ZNF679: variants seen among roughly 807,000 people sequenced by gnomAD.
ZNF679 encodes zinc finger protein 679, also known as hypothetical protein MGC42415.
Under a neutral mutation model 13.4 loss-of-function variants are expected in ZNF679, and 10 were observed. The ratio of observed to expected loss-of-function variants is 0.75; its 90% CI spans 0.46 to 1.27. ZNF679 has a LOEUF of 1.27. Ranked by LOEUF, ZNF679 falls within the 50% of genes most tolerant of loss-of-function variation. ZNF679 has a pLI of 0.00. For synonymous variants in ZNF679, 179 were observed against 162.5 expected, an observed-to-expected ratio of 1.10 and a Z score of -0.77; for missense variants, 525 against 477.8, an observed-to-expected ratio of 1.10 and a Z score of -0.92.
rs117341329 is a variant in ZNF679 at position 64,263,112 on chromosome 7, C to T, written c.262+2183C>T. On this transcript the variant is annotated intron_variant, in intron 4 of 4. Coordinates refer to ENST00000421025, the MANE Select transcript of ZNF679 (RefSeq NM_153363.3). ...GCTCTTCTTAAATTTTTTTTTTACACGGGGTTTCTCACTCTGTTGCCCAGA... is the reference window on the plus strand; with the variant it reads ...GCTCTTCTTAAATTTTTTTTTTACATGGGGTTTCTCACTCTGTTGCCCAGA... 6.4e-3 allele frequency among the ~76,000 whole-genome samples: 974 copies of T among 151,870 alleles called. 12 individuals carry two copies. In the Middle Eastern group the frequency reaches 0.075, roughly 12 times the overall value.
intron 2 of ZNF679, among the ~76,000 whole-genome samples, chr7:64,259,934 G>GA (rs1238773997): frequency 1.3e-3 from 174 of 137,718 alleles, no homozygotes; most frequent in African/African-American, 2.9e-3. Context: ...TCTCCAAAAG[G>GA]AAAAAAAAAA....
At chr7:64,251,453 C>CA (rs372636689) in intron 2 of ZNF679, among the ~76,000 whole-genome samples, 71 of 149,776 alleles carry the variant, frequency 4.7e-4, no homozygotes, top group East Asian at 2.1e-3. Flanking sequence ...GACCATATCT[C>CA]AAAAAAAAAG....
chr7:64,245,435 G>A (rs998058014), intron 1 of ZNF679, among the ~76,000 whole-genome samples: 2 of 151,024 alleles, frequency 1.3e-5, no homozygotes, highest in African/African-American at 2.4e-5. Flanking sequence ...GAGAGAGAGA[G>A]AGAGAGAGGG....
At chr7:64,258,306 G>A (rs1454265781) in intron 2 of ZNF679, among the ~76,000 whole-genome samples, 3 of 152,144 alleles carry the variant, frequency 2.0e-5, no homozygotes, top group Non-Finnish European at 2.9e-5. Flanking sequence ...TTCTCAAGAT[G>A]CAGGTTTGAT....
chr7:64,248,241 C>T (rs1291991718), intron 1 of ZNF679, among the ~76,000 whole-genome samples: 4 of 151,976 alleles, frequency 2.6e-5, no homozygotes, highest in Non-Finnish European at 5.9e-5. Context: ...CCTAATAATC[C>T]AATCACCTCC....
rs766588383 is a variant in ZNF679 at position 64,260,865 on chromosome 7, C to G, written c.198C>G (p.Thr66=). Reference sequence around the variant, plus strand: ...CTGTCTCTAAGCCAGACTTGATCACCTGTCTGGAGCAAAATAAAGAGCCTT... The same window carrying G: ...CTGTCTCTAAGCCAGACTTGATCACGTGTCTGGAGCAAAATAAAGAGCCTT... ...GIAVSKPDLI[T]CLEQNKEPWN... is the part of the protein sequence containing the mutation. Residue 66 remains threonine (T), a synonymous_variant, in exon 4 of 5, where the codon ACC becomes ACG. Coordinates refer to ENST00000421025, the MANE Select transcript of ZNF679 (RefSeq NM_153363.3). 3 of 1,611,096 alleles carry G rather than the reference C, an allele frequency of 1.9e-6. No homozygotes were observed. Among genetic ancestry groups the G allele is most frequent in the Non-Finnish European group, 2.5e-6 (3 of 1,179,328 alleles).
rs374967328 is a variant in ZNF679 at position 64,260,159 on chromosome 7, G to A, written c.40-62G>A. The A allele has an allele frequency of 1.3e-5, 19 of 1,450,788 alleles. No individual in the cohort carries two copies. In the African/African-American group the frequency reaches 2.3e-4, roughly 17 times the overall value. 89.9% of individuals were successfully genotyped at this position (1,450,788 alleles called of 1,614,324 possible). A position where few individuals can be genotyped will look rare whatever the true frequency, so the allele number is the denominator to read the frequency against. ...GAGTCAAATAAAAATCTCTGCCTACGGCCACATAGTAAGTGTTTGTGTGTT... is the reference window on the plus strand; with the variant it reads ...GAGTCAAATAAAAATCTCTGCCTACAGCCACATAGTAAGTGTTTGTGTGTT... On this transcript the variant is annotated intron_variant, in intron 2 of 4. Transcript: ENST00000421025.
chr7:64,260,964 G>A (rs759948234), intron 4 of ZNF679, 35 bp downstream of exon 4: 1 of 1,587,848 alleles, frequency 6.3e-7, no homozygotes, highest in East Asian at 2.2e-5. Context: ...TGACACAGAT[G>A]AGAGGTGCAA....
At chr7:64,258,088 G>C (rs189579009) in intron 2 of ZNF679, among the ~76,000 whole-genome samples, 102 of 151,494 alleles carry the variant, frequency 6.7e-4, no homozygotes, top group African/African-American at 2.4e-3. Flanking sequence ...TCCCATTACT[G>C]TAAAGAACAT....
intron 1 of ZNF679, 65 bp from the exon 2 acceptor site, chr7:64,248,963 A>G (rs1024806618): frequency 5.6e-6 from 6 of 1,075,194 alleles, no homozygotes; most frequent in East Asian, 2.6e-5. Context: ...ACAATCAGGC[A>G]TGCAGCTGGA....
chr7:64,259,068 C>G (rs538414884), intron 2 of ZNF679, among the ~76,000 whole-genome samples: 42 of 152,018 alleles, frequency 2.8e-4, no homozygotes, highest in African/African-American at 9.9e-4. Flanking sequence ...CCTGCCACCA[C>G]GCCCAGCTAA....
intron 2 of ZNF679, among the ~76,000 whole-genome samples, chr7:64,255,330 T>C (rs1787991437): frequency 6.6e-6 from 1 of 152,192 alleles, no homozygotes; most frequent in East Asian, 1.9e-4. Flanking sequence ...GGACTAGGTA[T>C]CACCCTCAAG....
intron 1 of ZNF679, among the ~76,000 whole-genome samples, chr7:64,236,969 GAAA>G (rs1787731371): frequency 2.1e-4 from 7 of 33,572 alleles, no homozygotes; most frequent in African/African-American, 6.3e-4. Context: ...AAGAAAGAAA[GAAA>G]GAAAAAGAAA....
intron 1 of ZNF679, among the ~76,000 whole-genome samples, chr7:64,248,784 AG>A (rs1787902268): frequency 6.6e-6 from 1 of 152,196 alleles, no homozygotes; most frequent in African/African-American, 2.4e-5. Flanking sequence ...ATGTCCTCTA[AG>A]GTTGGCCTGG....
chr7:64,260,356 A>G lies in ZNF679; in HGVS notation c.166+9A>G. 1.2e-6 allele frequency: 2 copies of G among 1,600,144 alleles called. No individual in the cohort carries two copies. The highest frequency in any genetic ancestry group is 1.1e-5 in the South Asian group (1 of 88,118). On this transcript the variant is annotated intron_variant, in intron 3 of 4. Transcript: ENST00000421025. ...AAACCTGGTCTCCCTGGGTGAGGAT[A>G]ACTTCAATACACAATTCCTAATATA...
In ZNF679 at chr7:64,240,506, G is replaced by A. The variant is rs191713147; in HGVS notation, c.-90-8522G>A. 3.3e-5 allele frequency among the ~76,000 whole-genome samples: 5 copies of A among 152,336 alleles called. No individual in the cohort carries two copies. In the East Asian group the frequency reaches 9.6e-4, roughly 29 times the overall value. On this transcript the variant is annotated intron_variant, in intron 1 of 4. Transcript: ENST00000421025. ...GAGGCATATTGTATGAAGCCCGCAT[G>A]TGATACAGTGTCATAACAGGACCCA...
At chr7:64,261,860 C>CTTTTTTTT (rs57119054) in intron 4 of ZNF679, among the ~76,000 whole-genome samples, 2 of 137,384 alleles carry the variant, frequency 1.5e-5, no homozygotes, top group African/African-American at 2.7e-5. Context: ...TTCTTTCTTT[C>CTTTTTTTT]TTTTTTTTTT....
chr7:64,257,792 G>A (rs1330781906), intron 2 of ZNF679, among the ~76,000 whole-genome samples: 2 of 152,160 alleles, frequency 1.3e-5, no homozygotes, highest in Non-Finnish European at 2.9e-5. Context: ...TGTAGTGGGT[G>A]TAAGGGACTC....
Position 64,258,393 on chromosome 7 carries a change from G to A in ZNF679, c.40-1828G>A, listed in dbSNP as rs1486507928. 5.3e-5 allele frequency among the ~76,000 whole-genome samples: 8 copies of A among 152,098 alleles called. No individual in the cohort carries two copies. In the South Asian group the frequency reaches 1.0e-3, roughly 20 times the overall value. Reference sequence around the variant, plus strand: ...GAAAAAAATCACTTTTTCTTGGTGAGCATGTCTCAGATCAAGAGTAGTGTG... The same window carrying A: ...GAAAAAAATCACTTTTTCTTGGTGAACATGTCTCAGATCAAGAGTAGTGTG... On this transcript the variant is annotated intron_variant, in intron 2 of 4. Coordinates refer to ENST00000421025, the MANE Select transcript of ZNF679 (RefSeq NM_153363.3).
Sources: gnomAD v4.1 joint callset for allele counts (sites outside exome capture counted in the v4.1 genomes callset) on GRCh38, gnomAD v4.1.1 for gene constraint, MANE v1.5 for transcripts, NCBI Gene and HGNC (gene_info 2026-07-23, HGNC 2026-07-21) for gene names.